The following CTIF variants were observed in gnomAD, a reference collection of about 807,000 sequenced individuals.
CTIF encodes cap binding complex dependent translation initiation factor, also known as CBP80/20-dependent translation initiation factor.
CTIF carries 21 observed loss-of-function variants against 66.0 expected under a neutral mutation model. That is an observed-to-expected ratio of 0.32 (90% CI 0.23 to 0.46). CTIF has a LOEUF of 0.46. Among genes scored for constraint, CTIF ranks in the 20% least tolerant of loss-of-function variants. CTIF has a pLI of 1.00. For synonymous variants in CTIF, 345 were observed against 326.4 expected (o/e 1.06, Z -0.62); for missense variants, 739 against 812.7 (o/e 0.91, Z 1.10).
intron 10 of CTIF, among the ~76,000 whole-genome samples, chr18:48,842,581 G>A (rs2068971125): frequency 6.6e-6 from 1 of 152,164 alleles, no homozygotes; most frequent in Non-Finnish European, 1.5e-5. Context: ...ACTTACTGCT[G>A]GGCAATGCTT....
At chr18:48,646,058 A>T (rs1274443633) in intron 3 of CTIF, among the ~76,000 whole-genome samples, 1 of 152,244 alleles carries the variant, frequency 6.6e-6, no homozygotes, top group African/African-American at 2.4e-5. Context: ...TAACACTGAG[A>T]TGCTAAATTG....
At chr18:48,654,288 A>C (rs1172493866) in intron 3 of CTIF, among the ~76,000 whole-genome samples, 1 of 152,164 alleles carries the variant, frequency 6.6e-6, no homozygotes, top group Non-Finnish European at 1.5e-5. Flanking sequence ...AAGAAAAAAA[A>C]CAACCCCATC....
At chr18:48,709,947 C>T (rs1345801946) in intron 6 of CTIF, among the ~76,000 whole-genome samples, 2 of 152,226 alleles carry the variant, frequency 1.3e-5, no homozygotes, top group Non-Finnish European at 2.9e-5. Flanking sequence ...GTGTTGCTCC[C>T]TCCCTGCACT....
At chr18:48,572,468 T>A (rs4939783) in intron 1 of CTIF, among the ~76,000 whole-genome samples, 72 of 152,212 alleles carry the variant, frequency 4.7e-4, no homozygotes, top group African/African-American at 1.5e-3. Context: ...GAGTCCTCTC[T>A]TTTTATAACT....
At chr18:48,721,153 A>G (rs1381426241) in intron 7 of CTIF, among the ~76,000 whole-genome samples, 2 of 152,218 alleles carry the variant, frequency 1.3e-5, no homozygotes, top group Non-Finnish European at 2.9e-5. Context: ...CCCAGCAATT[A>G]GAATTCCTTC....
At chr18:48,701,365 C>T (rs1375676527) in intron 6 of CTIF, among the ~76,000 whole-genome samples, 1 of 152,224 alleles carries the variant, frequency 6.6e-6, no homozygotes, top group Non-Finnish European at 1.5e-5. Flanking sequence ...ACTCCAGTTC[C>T]ATTCTCTTGT....
chr18:48,758,486 G>C, intron 8 of CTIF, 81 bp downstream of exon 8: 1 of 1,494,144 alleles, frequency 6.7e-7, no homozygotes, highest in Non-Finnish European at 8.9e-7. Flanking sequence ...TGGGCACAGT[G>C]CAGAGCCTTG....
chr18:48,756,935 C>T lies in CTIF; in HGVS notation c.585-984C>T, dbSNP rs115781362. On this transcript the variant is annotated intron_variant, in intron 7 of 11. Coordinates refer to ENST00000256413, the MANE Select transcript of CTIF (RefSeq NM_014772.3). Reference sequence around the variant, plus strand: ...GTATCTGTTTGCTAGGTTGCTGTAACAGAGTACCACTGACTGGGCTGCATA... The same window carrying T: ...GTATCTGTTTGCTAGGTTGCTGTAATAGAGTACCACTGACTGGGCTGCATA... 2.4e-3 allele frequency among the ~76,000 whole-genome samples: 361 copies of T among 152,294 alleles called. 1 individual carries two copies. Among genetic ancestry groups the T allele is most frequent in the African/African-American group, 7.3e-3 (303 of 41,542 alleles).
rs553057463 is a variant in CTIF, at chr18:48,858,754, CCA to C, written c.1582-589_1582-588del. 1.4e-3 allele frequency among the ~76,000 whole-genome samples: 220 copies of C among 152,158 alleles called. 4 individuals carry two copies. Among genetic ancestry groups the C allele is most frequent in the Admixed American group, 9.7e-3 (148 of 15,288 alleles). ...GACGGCCTCTGGCTGGCCTTCTTCC[CCA>C]GTTTGTATTTCTCTCCCCCACTTCC... On this transcript the variant is annotated intron_variant, in intron 11 of 11. Coordinates refer to ENST00000256413, the MANE Select transcript of CTIF (RefSeq NM_014772.3).
chr18:48,606,202 C>A (rs920121121), intron 1 of CTIF, among the ~76,000 whole-genome samples: 2 of 152,236 alleles, frequency 1.3e-5, no homozygotes, highest in Non-Finnish European at 2.9e-5. Flanking sequence ...CTCATCCGTC[C>A]CTTTCCCCCT....
intron 1 of CTIF, among the ~76,000 whole-genome samples, chr18:48,606,199 G>A (rs974290350): frequency 9.9e-5 from 15 of 152,172 alleles, no homozygotes; most frequent in African/African-American, 2.9e-4. Flanking sequence ...TGTCTCATCC[G>A]TCCCTTTCCC....
At chr18:48,687,214 TG>T (rs1040512764) in intron 6 of CTIF, among the ~76,000 whole-genome samples, 1 of 151,486 alleles carries the variant, frequency 6.6e-6, no homozygotes, top group African/African-American at 2.4e-5. Flanking sequence ...CTGGACAGGT[TG>T]TATAGAGAGG....
intron 6 of CTIF, among the ~76,000 whole-genome samples, chr18:48,695,826 G>C (rs1382964010): frequency 6.6e-6 from 1 of 152,242 alleles, no homozygotes; most frequent in Non-Finnish European, 1.5e-5. Context: ...GCTCAGTCAG[G>C]AGAAGAGCGC....
chr18:48,626,678 A>C (rs2090610542), intron 2 of CTIF, among the ~76,000 whole-genome samples: 1 of 114,336 alleles, frequency 8.7e-6, no homozygotes, highest in Non-Finnish European at 1.8e-5. Flanking sequence ...TTTTTGAGAC[A>C]AAGTTTTGCT....
chr18:48,555,161 G>A (rs2088988044), intron 1 of CTIF, among the ~76,000 whole-genome samples: 1 of 152,142 alleles, frequency 6.6e-6, no homozygotes. Context: ...AGTGGTGCAG[G>A]AATCATGCTG....
intron 9 of CTIF, among the ~76,000 whole-genome samples, chr18:48,798,616 C>T (rs1357398523): frequency 6.6e-6 from 1 of 152,186 alleles, no homozygotes; most frequent in Non-Finnish European, 1.5e-5. Flanking sequence ...AAGGCAGTTT[C>T]GGGGTGCACC....
Position 48,618,334 on chromosome 18 carries a change from G to C in CTIF, c.-28-1204G>C, listed in dbSNP as rs957698860. ...CTGCTCTATATGGCTTCAGAGCCCT[G>C]TGTGTGCAGGATTCATGTCTTCTCT... is the stretch of plus-strand genomic sequence containing the variant. On this transcript the variant is annotated intron_variant, in intron 1 of 11. Coordinates refer to ENST00000256413, the MANE Select transcript of CTIF (RefSeq NM_014772.3). Among the ~76,000 whole-genome samples, 4 of 152,246 alleles carry C rather than the reference G, an allele frequency of 2.6e-5. 1 individual carries two copies. The South Asian group carries it at 8.3e-4, about 31-fold the overall frequency.
intron 6 of CTIF, among the ~76,000 whole-genome samples, chr18:48,696,324 A>C (rs1228262115): frequency 1.3e-5 from 2 of 152,174 alleles, no homozygotes; most frequent in African/African-American, 4.8e-5. Context: ...TGTGTCTTCT[A>C]TAACCCAGTA....
intron 6 of CTIF, among the ~76,000 whole-genome samples, chr18:48,707,719 A>G (rs903625337): frequency 3.3e-5 from 5 of 152,138 alleles, no homozygotes; most frequent in African/African-American, 4.8e-5. Context: ...TAATTGAGAT[A>G]TAATTTACAT....
Sources: gnomAD v4.1 joint callset for allele counts (sites outside exome capture counted in the v4.1 genomes callset) on GRCh38, gnomAD v4.1.1 for gene constraint, MANE v1.5 for transcripts, NCBI Gene and HGNC (gene_info 2026-07-23, HGNC 2026-07-21) for gene names.